SLC48A1: variants seen among roughly 807,000 people sequenced by gnomAD.
SLC48A1 encodes solute carrier family 48 member 1, also known as heme transporter HRG1.
SLC48A1 carries 6 observed loss-of-function variants against 14.8 expected under a neutral mutation model. That is an observed-to-expected ratio of 0.41 (90% CI 0.22 to 0.80). SLC48A1 has a LOEUF of 0.80. Among genes scored for constraint, SLC48A1 ranks in the 30% least tolerant of loss-of-function variants. The pLI is 0.34. For missense variants in SLC48A1, 165 were observed against 204.8 expected (o/e 0.81, Z 1.19); for synonymous variants, 89 against 90.0 (o/e 0.99, Z 0.06).
At chr12:47,762,523 C>A (rs1942406467) in intron 2 of SLC48A1, among the ~76,000 whole-genome samples, 1 of 152,198 alleles carries the variant, frequency 6.6e-6, no homozygotes, top group African/African-American at 2.4e-5. Flanking sequence ...TCTTGCATCT[C>A]TCTGTTATGC....
chr12:47,772,065 T>C (rs1942639432), upstream of SLC48A1: 1 of 154,620 alleles, frequency 6.5e-6, no homozygotes. Context: ...TGTAAAATAA[T>C]AATAAGTTTG....
rs776036620 is a variant in SLC48A1 at position 47,780,956 on chromosome 12, C to A, written c.*675C>A. 1 of 531,028 alleles carries A rather than the reference C, an allele frequency of 1.9e-6. No individual in the cohort carries two copies. Among genetic ancestry groups the A allele is most frequent in the Admixed American group, 2.0e-5 (1 of 51,252 alleles). The allele number at this position is 531,028 out of a possible 1,614,324, so 32.9% of individuals were successfully genotyped here. A position where few individuals can be genotyped will look rare whatever the true frequency, so the allele number is the denominator to read the frequency against. On this transcript the variant is annotated 3_prime_UTR_variant, in exon 3 of 3. Transcript: ENST00000442218. Reference sequence around the variant, plus strand: ...GAGGTCAAGGTGTAGGGCCATGAGGCCTGGACCTATGCTGCAGGCAAGGGT... The same window carrying A: ...GAGGTCAAGGTGTAGGGCCATGAGGACTGGACCTATGCTGCAGGCAAGGGT...
chr12:47,778,382 T>C (rs1942795227), intron 1 of SLC48A1: 1 of 152,392 alleles, frequency 6.6e-6, no homozygotes, highest in African/African-American at 2.4e-5. Context: ...CCCTGGAGTC[T>C]TCATGGCTGG....
intron 2 of SLC48A1, among the ~76,000 whole-genome samples, chr12:47,762,654 G>T (rs571192241): frequency 6.6e-6 from 1 of 152,152 alleles, no homozygotes; most frequent in Non-Finnish European, 1.5e-5. Flanking sequence ...TCCTATTTGC[G>T]AGTGAGGAAA....
chr12:47,770,981 G>A (rs903364320), upstream of SLC48A1: 4 of 454,568 alleles, frequency 8.8e-6, no homozygotes, highest in Admixed American at 2.4e-5. Context: ...TCCGGACCAC[G>A]GGGCTTGCTC....
At chr12:47,771,457 T>G (rs1320879587), upstream of SLC48A1, 2 of 156,198 alleles carry the variant, frequency 1.3e-5, no homozygotes, top group African/African-American at 4.8e-5. Flanking sequence ...GTCCACGTCC[T>G]CATCCCAGAA....
chr12:47,762,918 A>G (rs1302747934), intron 2 of SLC48A1, among the ~76,000 whole-genome samples: 4 of 152,244 alleles, frequency 2.6e-5, no homozygotes, highest in African/African-American at 7.2e-5. Flanking sequence ...TGTAAACTGG[A>G]GAGCTCAAAC....
At chr12:47,774,093 C>T (rs190240352) in intron 1 of SLC48A1, among the ~76,000 whole-genome samples, 1 of 152,316 alleles carries the variant, frequency 6.6e-6, no homozygotes, top group East Asian at 1.9e-4. Context: ...TGCTGTGGCT[C>T]CTCAGCCAAG....
chr12:47,765,391 G>C (rs150095539), intron 2 of SLC48A1, among the ~76,000 whole-genome samples: 2 of 152,238 alleles, frequency 1.3e-5, no homozygotes, highest in Non-Finnish European at 2.9e-5. Context: ...CCACCCCTCA[G>C]CCTCAGCCCC....
At chr12:47,776,597 G>C (rs1446705259) in intron 1 of SLC48A1, among the ~76,000 whole-genome samples, 1 of 152,194 alleles carries the variant, frequency 6.6e-6, no homozygotes, top group East Asian at 1.9e-4. Flanking sequence ...CTTGATGTGT[G>C]TTTATCTGGA....
At chr12:47,765,225 A>G in intron 2 of SLC48A1, among the ~76,000 whole-genome samples, 1 of 151,934 alleles carries the variant, frequency 6.6e-6, no homozygotes, top group Admixed American at 6.5e-5. Flanking sequence ...AGTGGGGTCC[A>G]CAGAGGGAAA....
upstream of SLC48A1, among the ~76,000 whole-genome samples, chr12:47,756,954 G>A (rs566790437): frequency 1.3e-5 from 2 of 150,808 alleles, no homozygotes; most frequent in South Asian, 4.2e-4. Context: ...GGTGACAGAG[G>A]AAGACTCTGG....
At chr12:47,771,325 G>T (rs894527110), upstream of SLC48A1, among the ~76,000 whole-genome samples, 3 of 151,942 alleles carry the variant, frequency 2.0e-5, no homozygotes, top group Non-Finnish European at 2.9e-5. Flanking sequence ...TTTATTAAGG[G>T]GTCATTATAT....
chr12:47,771,932 CAAAA>C (rs372095423), upstream of SLC48A1, among the ~76,000 whole-genome samples: 3 of 125,066 alleles, frequency 2.4e-5, no homozygotes, highest in Non-Finnish European at 5.1e-5. Context: ...GACTCCGTCT[CAAAA>C]AAAAAAAAAA....
chr12:47,764,171 T>C (rs74783972), intron 2 of SLC48A1, among the ~76,000 whole-genome samples: 18,087 of 152,198 alleles, frequency 0.12, 1,363 homozygotes, highest in Non-Finnish European at 0.17. Context: ...TGTGTGTGTG[T>C]GTGTCTTGTG....
chr12:47,774,055 C>A (rs910550632), intron 1 of SLC48A1, among the ~76,000 whole-genome samples: 1 of 152,202 alleles, frequency 6.6e-6, no homozygotes, highest in Non-Finnish European at 1.5e-5. Flanking sequence ...CTCTTTCCAC[C>A]CATGTTGGTG....
intron 1 of SLC48A1, chr12:47,758,834 C>T: frequency 8.2e-7 from 1 of 1,212,766 alleles, no homozygotes; most frequent in African/African-American, 1.6e-5. Flanking sequence ...GCCTTCGTCT[C>T]AGACGAAGGA....
chr12:47,777,615 G>T lies in SLC48A1; in HGVS notation c.137-1413G>T, dbSNP rs1168904338. On this transcript the variant is annotated intron_variant, in intron 1 of 2. Transcript: ENST00000442218. This position sits in a 1 kb window ranked among gnomAD's most constrained non-coding sequence, Gnocchi z 4.5. The stretch of plus-strand genomic sequence containing the variant: ...GCCAAACTGGGACAGCCTCTGAGCT[G>T]GTAACCAGAGCATAGCTCCACAGTG... Among the ~76,000 whole-genome samples, 1 of 152,296 alleles carries T rather than the reference G, an allele frequency of 6.6e-6. No homozygotes were observed. Among genetic ancestry groups the T allele is most frequent in the Non-Finnish European group, 1.5e-5 (1 of 68,030 alleles).
At chr12:47,770,682 A>G (rs1419819538), upstream of SLC48A1, among the ~76,000 whole-genome samples, 1 of 152,044 alleles carries the variant, frequency 6.6e-6, no homozygotes, top group Admixed American at 6.5e-5. Context: ...CCTTCACTCT[A>G]TTACTCTGGC....
Sources: allele counts gnomAD v4.1 joint callset (sites outside exome capture counted in the v4.1 genomes callset), GRCh38; gene constraint gnomAD v4.1.1; non-coding constraint Gnocchi (gnomAD v3.1); transcripts MANE v1.5; gene names NCBI Gene and HGNC (gene_info 2026-07-23, HGNC 2026-07-21).